ZNF385D: variants seen among roughly 807,000 people sequenced by gnomAD.
The protein encoded by ZNF385D is zinc finger protein 659.
A neutral mutation model predicts 35.8 loss-of-function variants in ZNF385D; 15 were observed. That is an observed-to-expected ratio of 0.42 (90% CI 0.28 to 0.64). The LOEUF (loss-of-function observed/expected upper bound fraction) is 0.64, where lower values mean the gene tolerates loss of function less well. Ranked by LOEUF, ZNF385D falls within the 30% of genes least tolerant of loss-of-function variation. The pLI is 0.23. For synonymous variants in ZNF385D, 212 were observed against 186.8 expected, an observed-to-expected ratio of 1.13 and a Z score of -1.10; for missense variants, 474 against 494.6, an observed-to-expected ratio of 0.96 and a Z score of 0.39.
intron 2 of ZNF385D, among the ~76,000 whole-genome samples, chr3:21,572,380 G>A (rs1195643975): frequency 1.3e-5 from 2 of 152,022 alleles, no homozygotes; most frequent in African/African-American, 4.8e-5. Context: ...TTTCACTTCA[G>A]TTTTCATATT....
intron 2 of ZNF385D, among the ~76,000 whole-genome samples, chr3:21,569,214 A>T (rs1168277634): frequency 1.3e-5 from 2 of 150,056 alleles, no homozygotes; most frequent in Non-Finnish European, 3.0e-5. Context: ...TTTGTAGGTC[A>T]CTCAGGACTT....
intron 3 of ZNF385D, among the ~76,000 whole-genome samples, chr3:22,079,801 C>T (rs1181478804): frequency 6.6e-6 from 1 of 151,852 alleles, no homozygotes; most frequent in Non-Finnish European, 1.5e-5. Context: ...AGACCTTGGA[C>T]ATACGGGTAT....
At chr3:22,023,535 C>T (rs1559857114) in intron 3 of ZNF385D, among the ~76,000 whole-genome samples, 1 of 152,072 alleles carries the variant, frequency 6.6e-6, no homozygotes. Flanking sequence ...GTCATTGTTA[C>T]AATGCTTCTT....
chr3:21,827,366 T>G (rs916157587), intron 3 of ZNF385D, among the ~76,000 whole-genome samples: 7 of 152,172 alleles, frequency 4.6e-5, no homozygotes, highest in Non-Finnish European at 1.0e-4. Flanking sequence ...ATATATTAAC[T>G]GTATATATAC....
chr3:21,496,524 ATT>A (rs1237048351), intron 4 of ZNF385D, among the ~76,000 whole-genome samples: 7 of 128,630 alleles, frequency 5.4e-5, no homozygotes, highest in Admixed American at 1.9e-4. Context: ...ATACACATAT[ATT>A]TGATATATAT....
rs188024794 is a variant in ZNF385D at position 22,286,275 on chromosome 3, A to G, written c.106+86175T>C. The stretch of plus-strand genomic sequence containing the variant: ...GTACTAATATCCGCGCCCTCATGCA[A>G]AGCGTAAGCTAAACAAGTTTTTTCT... On this transcript the variant is annotated intron_variant, in intron 2 of 5. Coordinates refer to the ZNF385D transcript ENST00000494108. Among the ~76,000 whole-genome samples, 15 of 152,204 alleles carry G rather than the reference A, an allele frequency of 9.9e-5. No individual in the cohort carries two copies. The East Asian group carries it at 2.9e-3, about 29-fold the overall frequency.
chr3:21,870,870 T>C (rs546914751), intron 3 of ZNF385D, among the ~76,000 whole-genome samples: 2 of 152,226 alleles, frequency 1.3e-5, no homozygotes, highest in South Asian at 4.1e-4. Context: ...CATTTATCCA[T>C]CACTACCATT....
At chr3:21,593,472 C>G (rs78370613) in intron 2 of ZNF385D, among the ~76,000 whole-genome samples, 3,819 of 152,194 alleles carry the variant, frequency 0.025, 89 homozygotes, top group African/African-American at 0.062. Flanking sequence ...CCACGATTAA[C>G]ATATTTTCTA....
chr3:21,955,091 G>C (rs1184259949), intron 3 of ZNF385D, among the ~76,000 whole-genome samples: 2 of 152,104 alleles, frequency 1.3e-5, no homozygotes, highest in African/African-American at 4.8e-5. Flanking sequence ...TACTACAAAT[G>C]GAGCATCATT....
intron 2 of ZNF385D, among the ~76,000 whole-genome samples, chr3:22,343,518 C>T (rs1052083032): frequency 3.9e-5 from 6 of 152,224 alleles, no homozygotes; most frequent in Admixed American, 1.3e-4. Flanking sequence ...CAGCACTTGT[C>T]CAGTGGCAGC....
At chr3:21,910,069 G>C (rs1425493161) in intron 3 of ZNF385D, among the ~76,000 whole-genome samples, 1 of 135,820 alleles carries the variant, frequency 7.4e-6, no homozygotes, top group East Asian at 2.4e-4. Flanking sequence ...TTAGCTGTGG[G>C]TTAAACATAT....
intron 3 of ZNF385D, among the ~76,000 whole-genome samples, chr3:21,896,418 C>T (rs1414641770): frequency 6.6e-6 from 1 of 152,060 alleles, no homozygotes; most frequent in African/African-American, 2.4e-5. Context: ...TCTCTGCCTC[C>T]CTTAACACTA....
intron 3 of ZNF385D, among the ~76,000 whole-genome samples, chr3:21,534,510 C>T (rs2061993368): frequency 6.6e-6 from 1 of 152,024 alleles, no homozygotes; most frequent in Admixed American, 6.5e-5. Flanking sequence ...TCCAAGCTGA[C>T]CGGAAAAGAA....
chr3:21,923,023 T>G (rs1433123133), intron 3 of ZNF385D, among the ~76,000 whole-genome samples: 1 of 136,502 alleles, frequency 7.3e-6, no homozygotes, highest in African/African-American at 2.5e-5. Context: ...CCAACAAACA[T>G]GAAAAAATGC....
Position 22,239,224 on chromosome 3 carries a change from A to G in ZNF385D, c.107-70189T>C, listed in dbSNP as rs768248129. On this transcript the variant is annotated intron_variant, in intron 2 of 5. Transcript: ENST00000494108. Reference sequence around the variant, plus strand: ...TTGCCAAATCTTGCCTGCTACCAGTATCTTTAAGTAAAATGAAATTGGAAC... The same window carrying G: ...TTGCCAAATCTTGCCTGCTACCAGTGTCTTTAAGTAAAATGAAATTGGAAC... Among the ~76,000 whole-genome samples, 8 of 151,178 alleles carry G rather than the reference A, an allele frequency of 5.3e-5. 2 individuals are homozygous for G. The South Asian group carries it at 1.7e-3, about 33-fold the overall frequency.
chr3:21,769,333 A>C (rs1575617524), intron 3 of ZNF385D, among the ~76,000 whole-genome samples: 2 of 130,956 alleles, frequency 1.5e-5, no homozygotes, highest in Non-Finnish European at 3.2e-5. Context: ...TATCTAGAAA[A>C]CCCCGTCGTC....
intron 3 of ZNF385D, among the ~76,000 whole-genome samples, chr3:21,802,567 C>T (rs1468094863): frequency 6.6e-6 from 1 of 151,988 alleles, no homozygotes; most frequent in Non-Finnish European, 1.5e-5. Flanking sequence ...AAAAAAATAG[C>T]ATCTGCAATG....
chr3:21,470,206 T>C (rs1298978690), intron 4 of ZNF385D, among the ~76,000 whole-genome samples: 1 of 152,168 alleles, frequency 6.6e-6, no homozygotes, highest in Non-Finnish European at 1.5e-5. Context: ...AATTCTTCAA[T>C]AAATATGTAC....
chr3:22,145,229 C>T (rs896133403), intron 3 of ZNF385D, among the ~76,000 whole-genome samples: 5 of 152,156 alleles, frequency 3.3e-5, no homozygotes, highest in African/African-American at 1.2e-4. Context: ...TGCCTTGCAA[C>T]CACCATAAAT....
Sources: gnomAD v4.1 joint callset for allele counts (sites outside exome capture counted in the v4.1 genomes callset) on GRCh38, gnomAD v4.1.1 for gene constraint, MANE v1.5 for transcripts, NCBI Gene and HGNC (gene_info 2026-07-23, HGNC 2026-07-21) for gene names.